ADCY3: variants seen among roughly 807,000 people sequenced by gnomAD.
The protein encoded by ADCY3 is adenylate cyclase 3, also known as adenylate cyclase type 3.
In ADCY3, 70 loss-of-function variants were observed where a neutral mutation model predicts 119.4. That is an observed-to-expected ratio of 0.59 (90% confidence interval 0.48 to 0.72). ADCY3 has a LOEUF of 0.72. Ranked by LOEUF, ADCY3 falls within the 30% of genes least tolerant of loss-of-function variation. The probability of loss-of-function intolerance (pLI) is 0.00; values close to 1 mark genes in which losing one functional copy is unlikely to be tolerated. For missense variants in ADCY3, 1,238 were observed against 1,541.6 expected, an observed-to-expected ratio of 0.80 and a Z score of 3.30; for synonymous variants, 672 against 621.4, an observed-to-expected ratio of 1.08 and a Z score of -1.21.
At chr2:24,854,109 C>G (rs887880228) in intron 3 of ADCY3, among the ~76,000 whole-genome samples, 1 of 152,226 alleles carries the variant, frequency 6.6e-6, no homozygotes, top group African/African-American at 2.4e-5. Context: ...CCTGTGGTGG[C>G]TTCACTCTTG....
chr2:24,836,845 G>A (rs1670382266), intron 9 of ADCY3, 72 bp downstream of exon 9: 24 of 1,537,866 alleles, frequency 1.6e-5, no homozygotes, highest in Non-Finnish European at 1.9e-5. Flanking sequence ...TCCTGCTGCA[G>A]GAACGTATTG....
At chr2:24,902,238 G>A (rs59343740) in intron 2 of ADCY3, among the ~76,000 whole-genome samples, 17 of 151,672 alleles carry the variant, frequency 1.1e-4, no homozygotes, top group South Asian at 2.1e-4. Flanking sequence ...GTGCCACCAC[G>A]CCTGGCTAAT....
intron 3 of ADCY3, among the ~76,000 whole-genome samples, chr2:24,863,516 T>G: frequency 6.6e-6 from 1 of 152,182 alleles, no homozygotes; most frequent in East Asian, 1.9e-4. Flanking sequence ...TCTATTCCAT[T>G]AGTTCTGTCC....
chr2:24,832,681 G>A (rs1480682193), intron 11 of ADCY3, among the ~76,000 whole-genome samples: 2 of 152,096 alleles, frequency 1.3e-5, no homozygotes, highest in Admixed American at 1.3e-4. Context: ...ATCTGGACAC[G>A]CTGCCTTGAG....
intron 2 of ADCY3, among the ~76,000 whole-genome samples, chr2:24,913,068 G>A (rs534581331): frequency 6.6e-5 from 10 of 152,336 alleles, no homozygotes; most frequent in Middle Eastern, 3.4e-3. Context: ...GAGGGATGAC[G>A]GCTTCTTTCC....
intron 2 of ADCY3, among the ~76,000 whole-genome samples, chr2:24,873,173 T>TCCCCC (rs1675242224): frequency 1.3e-5 from 2 of 152,206 alleles, no homozygotes. Flanking sequence ...AAATCCCAGG[T>TCCCCC]CCCACTGAGC....
chr2:24,859,130 G>A (rs1673344821), intron 3 of ADCY3, among the ~76,000 whole-genome samples: 1 of 152,222 alleles, frequency 6.6e-6, no homozygotes, highest in Non-Finnish European at 1.5e-5. Flanking sequence ...TTTGTGGGTG[G>A]TTCTGTGAAG....
At position 24,828,054 on chromosome 2, in the gene ADCY3, C is replaced by T. The variant is rs1438458303; in HGVS notation, c.2280G>A (p.Leu760=). The change falls in exon 14 of 22, where the codon CTG becomes CTA. Residue 760 remains leucine (L), a synonymous_variant. Transcript: ENST00000679454. ...NPKYYNYVAV[L]SLIATIMLVQ... The stretch of plus-strand genomic sequence containing the variant: ...CCAGCATGATGGTGGCGATGAGGGA[C>T]AGCACGGCCACATAGTTGTAATACT... The T allele has an allele frequency of 6.2e-7, 1 of 1,614,252 alleles. No individual in the cohort carries two copies. Among genetic ancestry groups the T allele is most frequent in the Admixed American group, 1.7e-5 (1 of 60,030 alleles).
rs1670778898 is a variant in ADCY3, at chr2:24,839,782, C to T, written c.1355+91G>A. 3.8e-6 allele frequency: 6 copies of T among 1,575,668 alleles called. No homozygotes were observed. The Admixed American group carries it at 8.4e-5, about 22-fold the overall frequency. ...TTGTAGGGAGGCCTTCTCTGAGGCC[C>T]CCTGTCCCTCATCAGGGTCACAGCC... is the stretch of plus-strand genomic sequence containing the variant. On this transcript the variant is annotated intron_variant, in intron 7 of 21. Transcript: ENST00000679454.
chr2:24,826,465 G>A (rs1668634503), intron 15 of ADCY3: 1 of 230,570 alleles, frequency 4.3e-6, no homozygotes, highest in South Asian at 9.7e-5. Context: ...AGAGACATCA[G>A]TGATGGGATT....
chr2:24,910,248 G>T (rs1663416953), intron 2 of ADCY3, among the ~76,000 whole-genome samples: 1 of 152,128 alleles, frequency 6.6e-6, no homozygotes, highest in African/African-American at 2.4e-5. Flanking sequence ...TGTCACCCAG[G>T]CTGGAGTGCA....
chr2:24,820,175 TGGG>T, intron 21 of ADCY3, 61 bp from the exon 22 acceptor site: 1 of 425,524 alleles, frequency 2.4e-6, no homozygotes, highest in Non-Finnish European at 3.9e-6. Context: ...TGAGGGCGGG[TGGG>T]GGCTTTGGGT....
intron 11 of ADCY3, among the ~76,000 whole-genome samples, chr2:24,832,630 AC>A (rs1669754982): frequency 6.6e-6 from 1 of 152,030 alleles, no homozygotes. Context: ...TCCTTGAGAC[AC>A]TTTTCTCGCT....
chr2:24,837,661 A>G (rs1299561423), intron 8 of ADCY3, among the ~76,000 whole-genome samples: 1 of 152,214 alleles, frequency 6.6e-6, no homozygotes, highest in Non-Finnish European at 1.5e-5. Flanking sequence ...GGGTTTTGAC[A>G]TGAGATTACA....
chr2:24,840,451 A>G (rs1344136411), intron 6 of ADCY3: 6 of 398,812 alleles, frequency 1.5e-5, no homozygotes, highest in African/African-American at 1.3e-4. Context: ...AGAATGTTAG[A>G]GTTCCTGGAC....
intron 11 of ADCY3, among the ~76,000 whole-genome samples, chr2:24,833,906 T>C (rs570005921): frequency 2.0e-4 from 31 of 152,276 alleles, no homozygotes; most frequent in African/African-American, 7.5e-4. Context: ...CCCAGCAGGG[T>C]TCCAGACCCC....
At position 24,919,123 on chromosome 2, in the gene ADCY3, GC is replaced by G; in HGVS notation, c.-137del. ...TCTTCTTGTCTGGGGCGGAGGGGAG[GC>G]CACCTCCAGCAGGAACGCAGAGCGG... is the stretch of plus-strand genomic sequence containing the variant. On this transcript the variant is annotated 5_prime_UTR_variant, in exon 2 of 22. Transcript: ENST00000679454. This position sits in a 1 kb window ranked among gnomAD's most constrained non-coding sequence, Gnocchi z 5.5. 1 of 860,418 alleles carries G rather than the reference GC, an allele frequency of 1.2e-6. No homozygotes were observed. Among genetic ancestry groups the G allele is most frequent in the Non-Finnish European group, 1.7e-6 (1 of 573,976 alleles). The allele number at this position is 860,418 out of a possible 1,614,324, so 53.3% of individuals were successfully genotyped here.
At chr2:24,837,360 G>A (rs965860146) in intron 8 of ADCY3, among the ~76,000 whole-genome samples, 32 of 152,058 alleles carry the variant, frequency 2.1e-4, no homozygotes, top group Admixed American at 3.9e-4. Context: ...AAATGGAGAC[G>A]TACAAGTGGC....
At chr2:24,862,525 G>A (rs1179557511) in intron 3 of ADCY3, among the ~76,000 whole-genome samples, 2 of 145,048 alleles carry the variant, frequency 1.4e-5, no homozygotes, top group South Asian at 2.2e-4. Flanking sequence ...CAGCCTCGGG[G>A]ACAGAGCGAG....
Sources: allele counts gnomAD v4.1 joint callset (sites outside exome capture counted in the v4.1 genomes callset), GRCh38; gene constraint gnomAD v4.1.1; non-coding constraint Gnocchi (gnomAD v3.1); transcripts MANE v1.5; gene names NCBI Gene and HGNC (gene_info 2026-07-23, HGNC 2026-07-21).